The following XRCC4 variants were observed in gnomAD, a reference collection of about 807,000 sequenced individuals.
XRCC4 encodes DNA repair protein XRCC4.
In XRCC4, 28 loss-of-function variants were observed where a neutral mutation model predicts 39.1. The observed-to-expected ratio is 0.72, with a 90% CI of 0.53 to 0.98. The LOEUF is 0.98. Ranked by LOEUF, XRCC4 falls within the 50% of genes least tolerant of loss-of-function variation. The pLI is 0.00. For synonymous variants in XRCC4, 123 were observed against 126.4 expected, an observed-to-expected ratio of 0.97 and a Z score of 0.18; for missense variants, 350 against 376.4, an observed-to-expected ratio of 0.93 and a Z score of 0.58.
At chr5:83,273,152 C>G (rs561276542) in intron 7 of XRCC4, among the ~76,000 whole-genome samples, 15 of 152,146 alleles carry the variant, frequency 9.9e-5, no homozygotes, top group Admixed American at 2.6e-4. Flanking sequence ...TTGTGGTTTT[C>G]ATTTGCATTT....
intron 7 of XRCC4, chr5:83,310,754 T>A (rs1178758385): frequency 6.6e-6 from 3 of 456,374 alleles, no homozygotes; most frequent in Non-Finnish European, 1.3e-5. Flanking sequence ...ATTATCTGGA[T>A]GAACCCTAAA....
chr5:83,340,621 A>G (rs1158717927), intron 7 of XRCC4, among the ~76,000 whole-genome samples: 1 of 151,434 alleles, frequency 6.6e-6, no homozygotes, highest in Admixed American at 6.6e-5. Flanking sequence ...TACAAGCTAA[A>G]AAAAAAAAAC....
intron 7 of XRCC4, among the ~76,000 whole-genome samples, chr5:83,307,530 C>T (rs995550438): frequency 1.1e-4 from 17 of 152,094 alleles, no homozygotes; most frequent in African/African-American, 3.4e-4. Flanking sequence ...TTTTAAGAGA[C>T]TCGTAAGCAG....
At chr5:83,374,062 G>A in the XRCC4 span, among the ~76,000 whole-genome samples, 1 of 152,128 alleles carries the variant, frequency 6.6e-6, no homozygotes, top group Admixed American at 6.6e-5. Flanking sequence ...ATTAACCTGT[G>A]ATCCTAAACT....
intron 3 of XRCC4, among the ~76,000 whole-genome samples, chr5:83,135,877 A>T (rs916094072): frequency 1.3e-5 from 2 of 151,842 alleles, no homozygotes. Flanking sequence ...TTTGGTTTTG[A>T]TAGATTTTTC....
intron 7 of XRCC4, among the ~76,000 whole-genome samples, chr5:83,346,957 T>C (rs1352261523): frequency 6.6e-6 from 1 of 152,190 alleles, no homozygotes; most frequent in Non-Finnish European, 1.5e-5. Flanking sequence ...CTTCAAATTA[T>C]ACCTCTAAGC....
chr5:83,108,532 T>TG (rs1321103877), intron 2 of XRCC4, among the ~76,000 whole-genome samples: 1 of 151,922 alleles, frequency 6.6e-6, no homozygotes, highest in African/African-American at 2.4e-5. Context: ...TATTAGCACT[T>TG]GAATTTGAGC....
chr5:83,142,795 C>T (rs1367166772), intron 3 of XRCC4, among the ~76,000 whole-genome samples: 1 of 152,104 alleles, frequency 6.6e-6, no homozygotes, highest in South Asian at 2.1e-4. Context: ...TTCATTTGTA[C>T]ATTGTTTTAA....
chr5:83,108,792 T>A (rs1746315832), intron 2 of XRCC4, among the ~76,000 whole-genome samples: 1 of 151,742 alleles, frequency 6.6e-6, no homozygotes, highest in African/African-American at 2.4e-5. Context: ...ATAGTTACTT[T>A]TTAACATAAT....
chr5:83,240,725 AAGTG>A (rs1230797716), intron 6 of XRCC4, among the ~76,000 whole-genome samples: 1 of 152,158 alleles, frequency 6.6e-6, no homozygotes, highest in Non-Finnish European at 1.5e-5. Flanking sequence ...GAAATGGTGA[AAGTG>A]AGTGAGATCA....
chr5:83,253,643 A>G (rs2112881734), intron 6 of XRCC4, among the ~76,000 whole-genome samples: 1 of 152,288 alleles, frequency 6.6e-6, no homozygotes, highest in Admixed American at 6.5e-5. Context: ...ATGAAAAGAA[A>G]AACATCTATA....
intron 3 of XRCC4, among the ~76,000 whole-genome samples, chr5:83,174,324 AG>A (rs1749856764): frequency 6.6e-6 from 1 of 152,342 alleles, no homozygotes; most frequent in African/African-American, 2.4e-5. Flanking sequence ...ATACAATCAA[AG>A]AAAAATCTTT....
rs188965278 is a variant in XRCC4, at chr5:83,309,103, C to T, written c.894-44028C>T. Reference sequence around the variant, plus strand: ...GACCATCCCAGCTAACATGGTGAAACGCTGTCTCTACTAAAAATACAAAAA... The same window carrying T: ...GACCATCCCAGCTAACATGGTGAAATGCTGTCTCTACTAAAAATACAAAAA... On this transcript the variant is annotated intron_variant, in intron 7 of 7. Transcript: ENST00000396027. Among the ~76,000 whole-genome samples the T allele has an allele frequency of 1.2e-3, 184 of 149,380 alleles. 4 individuals are homozygous for T. The highest frequency in any genetic ancestry group is 0.011 in the Admixed American group (159 of 14,922).
intron 6 of XRCC4, among the ~76,000 whole-genome samples, chr5:83,211,624 C>T (rs767382907): frequency 6.6e-6 from 1 of 152,094 alleles, no homozygotes; most frequent in Non-Finnish European, 1.5e-5. Context: ...TGCCACCGCC[C>T]CTCCCCCAAC....
At chr5:83,366,208 T>G in the XRCC4 span, among the ~76,000 whole-genome samples, 1 of 152,210 alleles carries the variant, frequency 6.6e-6, no homozygotes, top group Non-Finnish European at 1.5e-5. Context: ...CAAACTGAAC[T>G]GTGCTATAGG....
At chr5:83,362,755 A>G in the XRCC4 span, among the ~76,000 whole-genome samples, 1 of 152,152 alleles carries the variant, frequency 6.6e-6, no homozygotes, top group Non-Finnish European at 1.5e-5. Context: ...GTTTTTGATG[A>G]TGGCAAACCA....
intron 1 of XRCC4, among the ~76,000 whole-genome samples, chr5:83,091,413 CCCT>C (rs1745421571): frequency 6.6e-6 from 1 of 152,138 alleles, no homozygotes; most frequent in Non-Finnish European, 1.5e-5. Flanking sequence ...GGGAAGTCGT[CCCT>C]GTGATCCAAT....
At chr5:83,293,870 T>C (rs1755008270) in intron 7 of XRCC4, among the ~76,000 whole-genome samples, 1 of 152,038 alleles carries the variant, frequency 6.6e-6, no homozygotes, top group African/African-American at 2.4e-5. Flanking sequence ...ACAGAGCAGA[T>C]TGCAAAAGAT....
At position 83,260,953 on chromosome 5, in the gene XRCC4, A is replaced by G. The variant is rs181910394; in HGVS notation, c.893+2276A>G. Among the ~76,000 whole-genome samples the G allele has an allele frequency of 8.7e-4, 132 of 152,160 alleles. No homozygotes were observed. The Middle Eastern group carries it at 0.01, about 12-fold the overall frequency. On this transcript the variant is annotated intron_variant, in intron 7 of 7. Transcript: ENST00000396027. ...TTTTAAATATTAAGAGAAATTTAGC[A>G]TGTATCAGTCAGATGTTGAGTGGTT...
Sources: allele counts gnomAD v4.1 joint callset (sites outside exome capture counted in the v4.1 genomes callset), GRCh38; gene constraint gnomAD v4.1.1; transcripts MANE v1.5; gene names NCBI Gene and HGNC (gene_info 2026-07-23, HGNC 2026-07-21).